CYP3A5: variants seen among roughly 807,000 people sequenced by gnomAD.
CYP3A5 encodes cytochrome P450 3A5.
A neutral mutation model predicts 55.9 loss-of-function variants in CYP3A5; 51 were observed. That is an observed-to-expected ratio of 0.91 (90% CI 0.73 to 1.15). The LOEUF (loss-of-function observed/expected upper bound fraction) is 1.15, where lower values mean the gene tolerates loss of function less well. CYP3A5 is among the 50% of genes most tolerant of loss of function. The pLI, the probability that CYP3A5 is intolerant of heterozygous loss-of-function variation, is 0.00. For missense variants in CYP3A5, 533 were observed against 596.6 expected (o/e 0.89, Z 1.11); for synonymous variants, 196 against 213.9 (o/e 0.92, Z 0.73).
rs555722629 is a variant in CYP3A5 at position 99,668,777 on chromosome 7, C to T, written c.319-1712G>A. ...AGCGCTGCTGTACACCAGACACTGTCGCCATTTGTACGCATGTGTGGCTTC... is the reference window on the plus strand; with the variant it reads ...AGCGCTGCTGTACACCAGACACTGTTGCCATTTGTACGCATGTGTGGCTTC... On this transcript the variant is annotated intron_variant, in intron 4 of 12. Transcript: ENST00000222982. Among the ~76,000 whole-genome samples, 24 of 152,324 alleles carry T rather than the reference C, an allele frequency of 1.6e-4. No individual in the cohort carries two copies. The South Asian group carries it at 2.9e-3, about 18-fold the overall frequency.
chr7:99,678,382 T>A (rs1812500146), intron 1 of CYP3A5, among the ~76,000 whole-genome samples: 1 of 152,224 alleles, frequency 6.6e-6, no homozygotes, highest in Admixed American at 6.5e-5. Flanking sequence ...GCCTTTGCTA[T>A]CGTCACTGGC....
chr7:99,659,099 A>G (rs1260976241), intron 10 of CYP3A5: 7 of 152,200 alleles, frequency 4.6e-5, no homozygotes, highest in Non-Finnish European at 1.0e-4. Flanking sequence ...GTCATTCTCC[A>G]TCCAGCTTTC....
chr7:99,663,105 CT>C lies in CYP3A5; in HGVS notation c.799-224del, dbSNP rs1397632987. 12 of 1,251,698 alleles carry C rather than the reference CT, an allele frequency of 9.6e-6. No individual in the cohort carries two copies. The East Asian group carries it at 4.2e-4, about 44-fold the overall frequency. 77.5% of individuals were successfully genotyped at this position (1,251,698 alleles called of 1,614,324 possible). A position where few individuals can be genotyped will look rare whatever the true frequency, so the allele number is the denominator to read the frequency against. ...CAAATCTAGCTATCATGTCCAATTG[CT>C]TTTTCGCCTTTGCCCTCCCTGTTTC... On this transcript the variant is annotated intron_variant, in intron 8 of 12. Transcript: ENST00000222982.
intron 4 of CYP3A5, 27 bp downstream of exon 4, chr7:99,672,553 T>C: frequency 6.3e-7 from 1 of 1,578,574 alleles, no homozygotes; most frequent in Non-Finnish European, 8.7e-7. Flanking sequence ...TCAATCATTA[T>C]TTAAATTTCA....
At chr7:99,660,807 A>T in intron 9 of CYP3A5, 148 bp from the exon 10 acceptor site, 1 of 928,098 alleles carries the variant, frequency 1.1e-6, no homozygotes, top group Non-Finnish European at 1.6e-6. Flanking sequence ...TCATTCTGAT[A>T]TGTATCTTAT....
chr7:99,673,443 G>A (rs989938101), intron 3 of CYP3A5, among the ~76,000 whole-genome samples: 11 of 152,190 alleles, frequency 7.2e-5, no homozygotes, highest in African/African-American at 2.7e-4. Flanking sequence ...GAACACAATG[G>A]TTTAATAATA....
rs776730718 is a variant in CYP3A5, at chr7:99,660,671, G to C, written c.866-12C>G. On this transcript the variant is annotated splice_polypyrimidine_tract_variant and intron_variant, in intron 9 of 12. Transcript: ENST00000222982. ...CAGATCAGACAGAGCTGAAAGGAGA[G>C]GAAAGACATTTTAGGTAAATCAGGT... 5.6e-6 allele frequency: 9 copies of C among 1,613,096 alleles called. No homozygotes were observed. The South Asian group carries it at 9.9e-5, about 18-fold the overall frequency.
At chr7:99,674,657 A>G in intron 2 of CYP3A5, 72 bp from the exon 3 acceptor site, 7 of 1,315,030 alleles carry the variant, frequency 5.3e-6, no homozygotes, top group Non-Finnish European at 7.6e-6. Context: ...ATTGGGGCTG[A>G]AAACAGTTGC....
In CYP3A5 at chr7:99,676,208, T is replaced by G. The variant is rs762933090; in HGVS notation, c.72A>C (p.Leu24=). 1 of 1,613,594 alleles carries G rather than the reference T, an allele frequency of 6.2e-7. No individual in the cohort carries two copies. Among genetic ancestry groups the G allele is most frequent in the East Asian group, 2.2e-5 (1 of 44,856 alleles). The change falls in exon 2 of 13, where the codon CTA becomes CTC. Residue 24 remains leucine, a splice_region_variant and synonymous_variant. Coordinates refer to ENST00000222982, the MANE Select transcript of CYP3A5 (RefSeq NM_000777.5). ...AAAGTCCATGTGTACGGGTCCCATA[T>G]CTACAAAGTGAAACAGAAATCAGGT... ...LLAVSLVLLY[L]YGTRTHGLFK...
At chr7:99,671,837 G>A (rs913732101) in intron 4 of CYP3A5, 27 of 702,810 alleles carry the variant, frequency 3.8e-5, no homozygotes, top group African/African-American at 3.1e-4. Context: ...ACATGGTGAC[G>A]GAATGGGTCT....
In CYP3A5 at chr7:99,665,181, A is replaced by G; in HGVS notation, c.655T>C (p.Leu219=). 2 of 1,612,132 alleles carry G rather than the reference A, an allele frequency of 1.2e-6. No individual in the cohort carries two copies. The highest frequency in any genetic ancestry group is 1.1e-5 in the South Asian group (1 of 90,874). ...GCCCACATACTTATTGAGAGAAATA[A>G]TGGATCTAAGAAACCAAATTTTAGG... ...KFLKFGFLDP[L]FLSIILFPFL... is the part of the protein sequence containing the mutation. Residue 219 remains leucine, a synonymous_variant, in exon 7 of 13, where the codon TTA becomes CTA. Coordinates refer to ENST00000222982, the MANE Select transcript of CYP3A5 (RefSeq NM_000777.5).
intron 10 of CYP3A5, among the ~76,000 whole-genome samples, chr7:99,656,936 A>G (rs1484360761): frequency 1.3e-5 from 2 of 152,014 alleles, no homozygotes; most frequent in African/African-American, 2.4e-5. Context: ...TATCCCCTTT[A>G]TCATTTTTAT....
intron 4 of CYP3A5, among the ~76,000 whole-genome samples, chr7:99,668,090 A>G (rs1468169064): frequency 2.6e-5 from 4 of 152,250 alleles, no homozygotes; most frequent in Non-Finnish European, 5.9e-5. Flanking sequence ...CTGCAAGGCT[A>G]TAGGATACAA....
chr7:99,660,473 T>G, intron 10 of CYP3A5, 26 bp downstream of exon 10: 1 of 1,575,580 alleles, frequency 6.3e-7, no homozygotes, highest in Middle Eastern at 1.7e-4. Flanking sequence ...ACCTCTTCCC[T>G]TCATCTCCAG....
intron 10 of CYP3A5, among the ~76,000 whole-genome samples, 168 bp from the exon 11 acceptor site, chr7:99,652,947 C>T (rs982810361): frequency 1.4e-4 from 21 of 152,146 alleles, no homozygotes; most frequent in Admixed American, 1.2e-3. Context: ...TTGATGTGCT[C>T]AGTGACCTAC....
chr7:99,666,550 G>C, intron 6 of CYP3A5, 51 bp downstream of exon 6: 1 of 1,580,888 alleles, frequency 6.3e-7, no homozygotes, highest in South Asian at 1.1e-5. Flanking sequence ...ATGGCAGGCA[G>C]CTGGAAGGGC....
At chr7:99,666,520 A>G in intron 6 of CYP3A5, 81 bp downstream of exon 6, 1 of 1,435,310 alleles carries the variant, frequency 7.0e-7, no homozygotes, top group Non-Finnish European at 9.8e-7. Context: ...GAGTAACCCA[A>G]CAGTGCGACT....
chr7:99,654,115 T>G (rs1046103457), intron 10 of CYP3A5, among the ~76,000 whole-genome samples: 1 of 152,098 alleles, frequency 6.6e-6, no homozygotes, highest in Non-Finnish European at 1.5e-5. Context: ...AGTTTTAGGG[T>G]ACATGTACAC....
rs760949027 is a variant in CYP3A5 at position 99,660,534 on chromosome 7, G to A, written c.991C>T (p.Leu331=). 38 of 1,613,618 alleles carry A rather than the reference G, an allele frequency of 2.4e-5. No individual in the cohort carries two copies. Among genetic ancestry groups the A allele is most frequent in the Non-Finnish European group, 3.2e-5 (38 of 1,179,800 alleles). The part of the protein sequence containing the change: ...LATHPDVQQK[L]QKEIDAVLPN... ...AAAACTGCATCAATCTCCTTTTGCA[G>A]TTTCTGCTGGACATCAGGGTGAGTG... The change falls in exon 10 of 13, where the codon CTG becomes TTG. Residue 331 remains leucine (L), a synonymous_variant. Coordinates refer to ENST00000222982, the MANE Select transcript of CYP3A5 (RefSeq NM_000777.5).
Sources: allele counts gnomAD v4.1 joint callset (sites outside exome capture counted in the v4.1 genomes callset), GRCh38; gene constraint gnomAD v4.1.1; transcripts MANE v1.5; gene names NCBI Gene and HGNC (gene_info 2026-07-23, HGNC 2026-07-21).